Variants in F13A1 observed in about 807,000 individuals in gnomAD.
F13A1 encodes the protein coagulation factor XIII A chain.
F13A1 carries 47 observed loss-of-function variants against 80.1 expected under a neutral mutation model. That is an observed-to-expected ratio of 0.59 (90% CI 0.46 to 0.75). The LOEUF is 0.75. F13A1 is among the 30% of genes least tolerant of loss of function. F13A1 has a pLI of 0.00. For synonymous variants in F13A1, 349 were observed against 344.9 expected, an observed-to-expected ratio of 1.01 and a Z score of -0.13; for missense variants, 817 against 930.4, an observed-to-expected ratio of 0.88 and a Z score of 1.59.
chr6:6,147,868 A>C (rs1448099080), intron 14 of F13A1, among the ~76,000 whole-genome samples: 1 of 152,372 alleles, frequency 6.6e-6, no homozygotes, highest in East Asian at 1.9e-4. Context: ...TAAGTGGAGC[A>C]ATGTTGGAGT....
chr6:6,237,186 G>T (rs552702177), intron 6 of F13A1, among the ~76,000 whole-genome samples: 47 of 152,284 alleles, frequency 3.1e-4, no homozygotes, highest in African/African-American at 1.1e-3. Flanking sequence ...AAAGGTCACA[G>T]TTCTGGGAAT....
At chr6:6,271,885 G>C (rs1757926202) in intron 3 of F13A1, among the ~76,000 whole-genome samples, 1 of 152,218 alleles carries the variant, frequency 6.6e-6, no homozygotes, top group Admixed American at 6.5e-5. Flanking sequence ...TCCTTACACA[G>C]ACCTACCTTA....
chr6:6,176,497 G>A (rs1760884727), intron 11 of F13A1, among the ~76,000 whole-genome samples: 1 of 152,212 alleles, frequency 6.6e-6, no homozygotes, highest in Admixed American at 6.5e-5. Context: ...ACTCTGCAAA[G>A]ACAGAAAAAA....
At chr6:6,266,390 C>G (rs1757844684) in intron 4 of F13A1, among the ~76,000 whole-genome samples, 168 bp downstream of exon 4, 1 of 152,176 alleles carries the variant, frequency 6.6e-6, no homozygotes, top group Non-Finnish European at 1.5e-5. Flanking sequence ...CACCACCACA[C>G]CCATCTAATT....
In F13A1 at chr6:6,250,744, G is replaced by A; in HGVS notation, c.690+67C>T. 1 of 1,024,846 alleles carries A rather than the reference G, an allele frequency of 9.8e-7. No homozygotes were observed. The highest frequency in any genetic ancestry group is 1.3e-5 in the South Asian group (1 of 79,300). 63.5% of individuals were successfully genotyped at this position (1,024,846 alleles called of 1,614,324 possible). ...TAATATCGATATATGGGATCCTGTAGGGATACATGTGACAAAAAATATGAA... is the reference window on the plus strand; with the variant it reads ...TAATATCGATATATGGGATCCTGTAAGGATACATGTGACAAAAAATATGAA... On this transcript the variant is annotated intron_variant, in intron 5 of 14. Transcript: ENST00000264870. This position sits in a 1 kb window ranked among gnomAD's most constrained non-coding sequence, Gnocchi z 4.2.
chr6:6,225,009 ATTGTT>A, intron 6 of F13A1, 149 bp from the exon 7 acceptor site: 2 of 850,612 alleles, frequency 2.4e-6, no homozygotes, highest in Admixed American at 2.3e-5. Context: ...TTACCATTAC[ATTGTT>A]AGAAAAAAAA....
intron 3 of F13A1, among the ~76,000 whole-genome samples, chr6:6,303,174 G>A (rs1387957397): frequency 6.6e-6 from 1 of 152,098 alleles, no homozygotes; most frequent in Non-Finnish European, 1.5e-5. Flanking sequence ...ATTTTTCATA[G>A]TATGTTCTGA....
intron 8 of F13A1, among the ~76,000 whole-genome samples, chr6:6,199,048 C>T (rs1413716846): frequency 6.6e-6 from 1 of 152,172 alleles, no homozygotes; most frequent in Non-Finnish European, 1.5e-5. Context: ...TGGAGCATAG[C>T]GTGTTTGAAC....
At chr6:6,192,886 A>G (rs185126883) in intron 10 of F13A1, among the ~76,000 whole-genome samples, 2 of 152,312 alleles carry the variant, frequency 1.3e-5, no homozygotes, top group African/African-American at 4.8e-5. Context: ...AAGTTAGGAC[A>G]GAAGAGAGTT....
At chr6:6,238,248 G>A (rs923065079) in intron 6 of F13A1, among the ~76,000 whole-genome samples, 68 of 152,260 alleles carry the variant, frequency 4.5e-4, no homozygotes, top group African/African-American at 1.4e-3. Context: ...TCTTTGCAAC[G>A]AATGAAAGCC....
intron 11 of F13A1, among the ~76,000 whole-genome samples, chr6:6,179,539 C>T (rs1462029680): frequency 6.6e-6 from 1 of 152,194 alleles, no homozygotes; most frequent in Non-Finnish European, 1.5e-5. Context: ...GTCCTCACTG[C>T]ATGCCAGTGG....
intron 8 of F13A1, among the ~76,000 whole-genome samples, chr6:6,217,420 T>C (rs1301125043): frequency 6.6e-6 from 1 of 150,630 alleles, no homozygotes; most frequent in Non-Finnish European, 1.5e-5. Context: ...CAGTAAACTA[T>C]CACAAGAACA....
intron 3 of F13A1, among the ~76,000 whole-genome samples, chr6:6,301,031 G>A (rs1476966366): frequency 1.3e-5 from 2 of 152,110 alleles, no homozygotes; most frequent in African/African-American, 4.8e-5. Flanking sequence ...AAATTGAGGT[G>A]CACCTGTATA....
intron 10 of F13A1, among the ~76,000 whole-genome samples, chr6:6,182,398 C>T (rs920206327): frequency 5.3e-5 from 8 of 152,088 alleles, no homozygotes; most frequent in African/African-American, 1.9e-4. Flanking sequence ...CATTTTTCTC[C>T]CTCCTCTGTC....
chr6:6,230,861 A>T (rs1215367396), intron 6 of F13A1, among the ~76,000 whole-genome samples: 1 of 152,212 alleles, frequency 6.6e-6, no homozygotes, highest in East Asian at 1.9e-4. Context: ...AATTTGGCTC[A>T]CAGGAAGCCA....
intron 10 of F13A1, among the ~76,000 whole-genome samples, chr6:6,189,860 C>A (rs1231069199): frequency 5.3e-5 from 8 of 152,044 alleles, no homozygotes; most frequent in African/African-American, 1.9e-4. Flanking sequence ...TTCAGGTACA[C>A]CAGTGAGACG....
intron 14 of F13A1, among the ~76,000 whole-genome samples, chr6:6,147,920 C>G (rs949112193): frequency 6.6e-6 from 1 of 152,148 alleles, no homozygotes; most frequent in Non-Finnish European, 1.5e-5. Flanking sequence ...AAACGATTCT[C>G]AGTAACGTGC....
intron 8 of F13A1, among the ~76,000 whole-genome samples, chr6:6,217,663 A>T (rs1305756334): frequency 6.6e-6 from 1 of 152,130 alleles, no homozygotes; most frequent in African/African-American, 2.4e-5. Flanking sequence ...ATGTACCCTA[A>T]AACTTAAAGT....
intron 10 of F13A1, among the ~76,000 whole-genome samples, chr6:6,190,676 T>G (rs1415954103): frequency 6.6e-6 from 1 of 151,692 alleles, no homozygotes; most frequent in African/African-American, 2.4e-5. Flanking sequence ...GCTGTCTTTT[T>G]GTTTGTCTGT....
Sources: gnomAD v4.1 joint callset for allele counts (sites outside exome capture counted in the v4.1 genomes callset) on GRCh38, gnomAD v4.1.1 for gene constraint, Gnocchi (gnomAD v3.1) non-coding constraint, MANE v1.5 for transcripts, NCBI Gene and HGNC (gene_info 2026-07-23, HGNC 2026-07-21) for gene names.